NCAPD3: variants seen among roughly 807,000 people sequenced by gnomAD.
The protein encoded by NCAPD3 is non-SMC condensin II complex subunit D3.
NCAPD3 carries 105 observed loss-of-function variants against 182.9 expected under a neutral mutation model. That is an observed-to-expected ratio of 0.57 (90% CI 0.49 to 0.68). The LOEUF is 0.68. Ranked by LOEUF, NCAPD3 falls within the 30% of genes least tolerant of loss-of-function variation. The probability of loss-of-function intolerance (pLI) is 0.00; values close to 1 mark genes in which losing one functional copy is unlikely to be tolerated. For synonymous variants in NCAPD3, 815 were observed against 679.9 expected (o/e 1.20, Z -3.09); for missense variants, 1,944 against 1,837.0 (o/e 1.06, Z -1.07).
chr11:134,177,481 T>C (rs760320356), intron 22 of NCAPD3, 24 bp from the exon 23 acceptor site: 11 of 1,586,146 alleles, frequency 6.9e-6, no homozygotes, highest in Admixed American at 3.3e-5. Context: ...CAGGAAGATG[T>C]CTCAACTGTA....
chr11:134,195,002 C>T (rs1944597687), intron 13 of NCAPD3, among the ~76,000 whole-genome samples: 1 of 152,174 alleles, frequency 6.6e-6, no homozygotes, highest in South Asian at 2.1e-4. Context: ...TTTATCTCTT[C>T]CATTTTGTTT....
intron 16 of NCAPD3, among the ~76,000 whole-genome samples, chr11:134,190,340 A>T (rs1220266605): frequency 6.6e-6 from 1 of 152,210 alleles, no homozygotes; most frequent in Non-Finnish European, 1.5e-5. Context: ...GCTTTCAGTC[A>T]TCTCAGTTAA....
intron 30 of NCAPD3, 102 bp downstream of exon 30, chr11:134,158,227 A>T: frequency 6.5e-7 from 1 of 1,544,858 alleles, no homozygotes; most frequent in Non-Finnish European, 8.8e-7. Context: ...CAGGCCAGAC[A>T]ATGACAATGA....
chr11:134,181,315 T>C, intron 19 of NCAPD3, 131 bp from the exon 20 acceptor site: 1 of 606,418 alleles, frequency 1.6e-6, no homozygotes, highest in Non-Finnish European at 2.9e-6. Flanking sequence ...AGCTTTCCTC[T>C]TTCCCACAAT....
At chr11:134,192,626 T>C in intron 16 of NCAPD3, 63 bp downstream of exon 16, 1 of 1,424,988 alleles carries the variant, frequency 7.0e-7, no homozygotes, top group Non-Finnish European at 9.7e-7. Context: ...ATAGGAGAAA[T>C]TTATTAATAC....
intron 23 of NCAPD3, 111 bp from the exon 24 acceptor site, chr11:134,176,497 TGC>T: frequency 1.2e-6 from 1 of 832,306 alleles, no homozygotes; most frequent in South Asian, 1.4e-5. Flanking sequence ...ACTGGCTGAG[TGC>T]ACAGGCACAC....
At position 134,209,456 on chromosome 11, in the gene NCAPD3, G is replaced by C. The variant is rs376989765; in HGVS notation, c.589C>G (p.Gln197Glu). 2.7e-5 allele frequency: 44 copies of C among 1,611,576 alleles called. No individual in the cohort carries two copies. Among genetic ancestry groups the C allele is most frequent in the Middle Eastern group, 1.9e-4 (1 of 5,208 alleles). The change falls in exon 5 of 35, where the codon CAA becomes GAA. Residue 197 changes from glutamine to glutamate, a missense_variant. Around this residue, in one of 3 missense-constraint regions of NCAPD3, gnomAD observed 1,803 missense variants for 1,674.6 expected, o/e 1.08. Transcript: ENST00000534548. Reference sequence around the variant, plus strand: ...GAAAAACAAATATTCTCATCTTCTTGTTCTTCTATAATTTCATCCATCTAG... The same window carrying C: ...GAAAAACAAATATTCTCATCTTCTTCTTCTTCTATAATTTCATCCATCTAG... ...DIEMDEIIEE[Q>E]EDENICFSAR...
At chr11:134,178,155 A>G (rs1944214660) in intron 22 of NCAPD3, 1 of 152,500 alleles carries the variant, frequency 6.6e-6, no homozygotes, top group African/African-American at 2.4e-5. Context: ...AAATATGTAA[A>G]TAGTCATCTA....
intron 27 of NCAPD3, among the ~76,000 whole-genome samples, chr11:134,163,789 G>A (rs1390564851): frequency 1.4e-5 from 2 of 146,046 alleles, no homozygotes; most frequent in East Asian, 2.1e-4. Context: ...GGAGAATGGC[G>A]TGAACCTGGG....
chr11:134,205,115 A>T, intron 8 of NCAPD3, 144 bp from the exon 9 acceptor site: 1 of 579,948 alleles, frequency 1.7e-6, no homozygotes, highest in Non-Finnish European at 3.0e-6. Context: ...TGAAGAGTGA[A>T]GACATAAAAT....
chr11:134,206,543 G>C (rs1937619235), intron 8 of NCAPD3, 56 bp downstream of exon 8: 2 of 1,595,982 alleles, frequency 1.3e-6, no homozygotes, highest in African/African-American at 2.7e-5. Flanking sequence ...TTAGTGCAGG[G>C]CCCAGAGTAC....
At chr11:134,209,512 A>C (rs779182292) in intron 4 of NCAPD3, 35 bp from the exon 5 acceptor site, 1 of 1,571,594 alleles carries the variant, frequency 6.4e-7, no homozygotes, top group South Asian at 1.1e-5. Context: ...TGACTGTAAT[A>C]AATGCCAAAC....
intron 13 of NCAPD3, among the ~76,000 whole-genome samples, chr11:134,197,748 T>C (rs1944666716): frequency 6.6e-6 from 1 of 152,194 alleles, no homozygotes; most frequent in Non-Finnish European, 1.5e-5. Flanking sequence ...AATCAATCAA[T>C]GTAAATTACA....
intron 29 of NCAPD3, 113 bp downstream of exon 29, chr11:134,159,779 G>T: frequency 8.4e-7 from 1 of 1,195,368 alleles, no homozygotes; most frequent in South Asian, 1.6e-5. Flanking sequence ...CGAGGCCTTC[G>T]GGCTGACTAA....
At position 134,203,825 on chromosome 11, in the gene NCAPD3, A is replaced by C; in HGVS notation, c.1297T>G (p.Leu433Val). The C allele has an allele frequency of 6.2e-7, 1 of 1,614,224 alleles. No homozygotes were observed. Among genetic ancestry groups the C allele is most frequent in the Non-Finnish European group, 8.5e-7 (1 of 1,180,040 alleles). The part of the protein sequence containing the change: ...PEREVDNTLS[L>V]EHQKFLKHKF... ...TGCTTTAAGAACTTCTGATGCTCCA[A>C]GGAGAGGGTGTTATCCACCTCTCTT... The change falls in exon 11 of 35, where the codon TTG becomes GTG. Residue 433 changes from leucine (L) to valine (V), a missense_variant. Physicochemically the swap from Leu to Val is conservative, Grantham distance 32. Transcript: ENST00000534548.
intron 27 of NCAPD3, among the ~76,000 whole-genome samples, chr11:134,164,109 A>T (rs1943681923): frequency 3.9e-5 from 6 of 152,168 alleles, no homozygotes; most frequent in Admixed American, 3.9e-4. Context: ...TCCAGAGGCC[A>T]GGTGGGAAAT....
At chr11:134,213,480 G>A (rs1164927596) in intron 3 of NCAPD3, among the ~76,000 whole-genome samples, 1 of 151,760 alleles carries the variant, frequency 6.6e-6, no homozygotes. Flanking sequence ...ACCATATCCG[G>A]CTAATTTTTG....
In NCAPD3 at chr11:134,151,190, CTTTT is replaced by C. The variant is rs368777017; in HGVS notation, c.*1750_*1753del. The C allele has an allele frequency of 4.6e-5, 7 of 152,248 alleles. No individual in the cohort carries two copies. The highest frequency in any genetic ancestry group is 1.4e-4 in the African/African-American group (6 of 41,542). The allele number at this position is 152,248 out of a possible 1,614,324, so 9.4% of individuals were successfully genotyped here. ...TCTTGGGTTTTTTATACTTTGACAG[CTTTT>C]TTTTAATTGCATACATGAGACTGTG... is the stretch of plus-strand genomic sequence containing the variant. On this transcript the variant is annotated 3_prime_UTR_variant, in exon 35 of 35. Coordinates refer to ENST00000534548, the MANE Select transcript of NCAPD3 (RefSeq NM_015261.3).
At chr11:134,157,191 T>C in intron 31 of NCAPD3, 96 bp from the exon 32 acceptor site, 1 of 899,216 alleles carries the variant, frequency 1.1e-6, no homozygotes, top group Non-Finnish European at 1.7e-6. Context: ...AGACGTAAAG[T>C]CAAAATCACT....
Sources: allele counts gnomAD v4.1 joint callset (sites outside exome capture counted in the v4.1 genomes callset), GRCh38; gene constraint gnomAD v4.1.1; regional missense constraint gnomAD v4.1.1; transcripts MANE v1.5; gene names NCBI Gene and HGNC (gene_info 2026-07-23, HGNC 2026-07-21).